Variants in TMCC1 observed in about 807,000 individuals in gnomAD.
TMCC1 encodes the protein transmembrane and coiled-coil domain family 1, also known as transmembrane and coiled-coil domains protein 1.
A neutral mutation model predicts 52.4 loss-of-function variants in TMCC1; 15 were observed. The ratio of observed to expected loss-of-function variants is 0.29; its 90% CI spans 0.19 to 0.44. TMCC1 has a LOEUF of 0.44. TMCC1 is among the 20% of genes least tolerant of loss of function. The probability of loss-of-function intolerance (pLI) is 1.00; values close to 1 mark genes in which losing one functional copy is unlikely to be tolerated. For synonymous variants in TMCC1, 279 were observed against 301.9 expected, an observed-to-expected ratio of 0.92 and a Z score of 0.79; for missense variants, 503 against 806.0, an observed-to-expected ratio of 0.62 and a Z score of 4.55.
intron 4 of TMCC1, among the ~76,000 whole-genome samples, chr3:129,755,403 A>G (rs1283990675): frequency 6.6e-6 from 1 of 152,234 alleles, no homozygotes; most frequent in Non-Finnish European, 1.5e-5. Flanking sequence ...ATTAAAAGTG[A>G]AAACTATTGA....
At chr3:129,710,356 C>A (rs927826914) in intron 4 of TMCC1, among the ~76,000 whole-genome samples, 1 of 152,024 alleles carries the variant, frequency 6.6e-6, no homozygotes, top group Non-Finnish European at 1.5e-5. Context: ...GGAATAGGGA[C>A]GGTCTCATTA....
rs1457840229 is a variant in TMCC1, at chr3:129,893,618, C to G, written c.-559G>C. 6.6e-6 allele frequency: 1 copy of G among 152,532 alleles called. No homozygotes were observed. Among genetic ancestry groups the G allele is most frequent in the Non-Finnish European group, 1.5e-5 (1 of 68,164 alleles). 9.4% of individuals were successfully genotyped at this position (152,532 alleles called of 1,614,324 possible). A position where few individuals can be genotyped will look rare whatever the true frequency, so the allele number is the denominator to read the frequency against. On this transcript the variant is annotated 5_prime_UTR_variant, in exon 1 of 7. Transcript: ENST00000393238. Reference sequence around the variant, plus strand: ...CCACAACCACCCCCCCCTCCCGACCCTCCCCCCGCGCCGCCTCAGCCGCCG... The same window carrying G: ...CCACAACCACCCCCCCCTCCCGACCGTCCCCCCGCGCCGCCTCAGCCGCCG...
chr3:129,775,718 T>C (rs909792473), intron 4 of TMCC1, among the ~76,000 whole-genome samples: 10 of 152,148 alleles, frequency 6.6e-5, no homozygotes, highest in Non-Finnish European at 1.0e-4. Flanking sequence ...CCAAATCCTA[T>C]CAAATCTACC....
At chr3:129,891,103 T>C (rs1211231219) in intron 1 of TMCC1, among the ~76,000 whole-genome samples, 1 of 152,208 alleles carries the variant, frequency 6.6e-6, no homozygotes, top group Admixed American at 6.5e-5. Flanking sequence ...ACTGTTTCAT[T>C]TACCAGGAAA....
At chr3:129,836,073 T>C (rs1051273354) in intron 2 of TMCC1, among the ~76,000 whole-genome samples, 2 of 152,212 alleles carry the variant, frequency 1.3e-5, no homozygotes, top group Admixed American at 6.5e-5. Context: ...ACAGCTGCTC[T>C]AGCTGTATTA....
chr3:129,874,394 C>T (rs1055567928), intron 2 of TMCC1, among the ~76,000 whole-genome samples: 2 of 152,168 alleles, frequency 1.3e-5, no homozygotes, highest in African/African-American at 2.4e-5. Context: ...CTGCCACTTA[C>T]GGCATCTAAG....
intron 4 of TMCC1, among the ~76,000 whole-genome samples, chr3:129,687,691 C>T (rs2089503475): frequency 6.6e-6 from 1 of 152,170 alleles, no homozygotes; most frequent in Non-Finnish European, 1.5e-5. Flanking sequence ...TATCAAACAG[C>T]AATGACAATG....
chr3:129,702,703 A>T (rs2047927230), intron 4 of TMCC1, among the ~76,000 whole-genome samples: 1 of 152,286 alleles, frequency 6.6e-6, no homozygotes, highest in Non-Finnish European at 1.5e-5. Context: ...TTTCTATATT[A>T]TCAGAAAATA....
chr3:129,657,320 T>C (rs867970040), intron 5 of TMCC1, among the ~76,000 whole-genome samples: 10 of 152,284 alleles, frequency 6.6e-5, no homozygotes, highest in Middle Eastern at 6.8e-3. Flanking sequence ...GTAGAACAGA[T>C]TAAAAAATAG....
At chr3:129,831,884 TC>T in intron 3 of TMCC1, among the ~76,000 whole-genome samples, 1 of 152,188 alleles carries the variant, frequency 6.6e-6, no homozygotes, top group Non-Finnish European at 1.5e-5. Flanking sequence ...AGACAGGGTC[TC>T]CCCCTGCCAC....
At position 129,688,317 on chromosome 3, in the gene TMCC1, A is replaced by C. The variant is rs549017889; in HGVS notation, c.577-17053T>G. On this transcript the variant is annotated intron_variant, in intron 4 of 6. Transcript: ENST00000393238. ...GCTATAAGCTCTTTCCATTTGTTCC[A>C]GCTTCCAAACTGCAGAGGAGCTGTG... 3 of 985,212 alleles carry C rather than the reference A, an allele frequency of 3.0e-6. No homozygotes were observed. The East Asian group carries it at 3.4e-4, about 112-fold the overall frequency. The allele number at this position is 985,212 out of a possible 1,614,324, so 61.0% of individuals were successfully genotyped here. A position where few individuals can be genotyped will look rare whatever the true frequency, so the allele number is the denominator to read the frequency against.
At chr3:129,773,619 CACAG>C (rs1435659251) in intron 4 of TMCC1, among the ~76,000 whole-genome samples, 1 of 152,148 alleles carries the variant, frequency 6.6e-6, no homozygotes. Context: ...AAATTAACAA[CACAG>C]ACAGAATTAT....
chr3:129,845,692 A>C lies in TMCC1; in HGVS notation c.-183-12866T>G, dbSNP rs1458924533. Among the ~76,000 whole-genome samples the C allele has an allele frequency of 2.0e-5, 3 of 152,308 alleles. No homozygotes were observed. In the East Asian group the frequency reaches 5.8e-4, roughly 29 times the overall value. Reference sequence around the variant, plus strand: ...CACTGATGTAGAAGTACCTGAGAAAAGGGTTGTGACAACTTCAGGAGTTGA... The same window carrying C: ...CACTGATGTAGAAGTACCTGAGAAACGGGTTGTGACAACTTCAGGAGTTGA... On this transcript the variant is annotated intron_variant, in intron 2 of 6. Transcript: ENST00000393238.
chr3:129,702,037 T>C (rs1424301305), intron 4 of TMCC1, among the ~76,000 whole-genome samples: 1 of 152,120 alleles, frequency 6.6e-6, no homozygotes, highest in East Asian at 1.9e-4. Flanking sequence ...TGAGAAATAG[T>C]ATAGAATAGT....
At chr3:129,839,020 A>C (rs2059301295) in intron 2 of TMCC1, among the ~76,000 whole-genome samples, 1 of 152,170 alleles carries the variant, frequency 6.6e-6, no homozygotes, top group African/African-American at 2.4e-5. Context: ...GCTTTCCTCC[A>C]GACAAGCAAA....
intron 2 of TMCC1, among the ~76,000 whole-genome samples, chr3:129,849,287 A>T (rs943941436): frequency 6.6e-6 from 1 of 151,952 alleles, no homozygotes; most frequent in Non-Finnish European, 1.5e-5. Context: ...ACATGGTGAA[A>T]CTCCACCTCT....
intron 6 of TMCC1, among the ~76,000 whole-genome samples, chr3:129,652,443 T>C (rs2086396242): frequency 1.3e-5 from 2 of 152,064 alleles, no homozygotes; most frequent in Admixed American, 1.3e-4. Context: ...CCCTCCCTTT[T>C]TGAGTTGTGG....
Position 129,654,961 on chromosome 3 carries a change from T to A in TMCC1, c.1647+7A>T. The A allele has an allele frequency of 1.9e-6, 3 of 1,613,952 alleles. No individual in the cohort carries two copies. The highest frequency in any genetic ancestry group is 2.5e-6 in the Non-Finnish European group (3 of 1,179,952). On this transcript the variant is annotated splice_region_variant and intron_variant, in intron 6 of 6. Transcript: ENST00000393238. The stretch of plus-strand genomic sequence containing the variant: ...TTTTGCATTTACACCTTTTCCTTCA[T>A]ACTAACCTGGATGTCCCGGGCCCGT...
At chr3:129,727,920 A>G (rs995559086) in intron 4 of TMCC1, among the ~76,000 whole-genome samples, 6 of 152,200 alleles carry the variant, frequency 3.9e-5, no homozygotes, top group African/African-American at 1.2e-4. Context: ...TGCTACAAAA[A>G]AGCCCAACTA....
Sources: gnomAD v4.1 joint callset for allele counts (sites outside exome capture counted in the v4.1 genomes callset) on GRCh38, gnomAD v4.1.1 for gene constraint, MANE v1.5 for transcripts, NCBI Gene and HGNC (gene_info 2026-07-23, HGNC 2026-07-21) for gene names.